UST: variants seen among roughly 807,000 people sequenced by gnomAD.
The protein encoded by UST is uronyl 2-sulfotransferase.
In UST, 21 loss-of-function variants were observed where a neutral mutation model predicts 45.6. The observed-to-expected ratio is 0.46, with a 90% CI of 0.33 to 0.66. UST has a LOEUF of 0.66. Among genes scored for constraint, UST ranks in the 30% least tolerant of loss-of-function variants. The probability of loss-of-function intolerance (pLI) is 0.02; values close to 1 mark genes in which losing one functional copy is unlikely to be tolerated. For synonymous variants in UST, 215 were observed against 200.6 expected (o/e 1.07, Z -0.61); for missense variants, 463 against 512.4 (o/e 0.90, Z 0.93).
At chr6:148,845,432 A>G (rs1221364142) in intron 1 of UST, among the ~76,000 whole-genome samples, 3 of 152,208 alleles carry the variant, frequency 2.0e-5, no homozygotes, top group Admixed American at 6.5e-5. Flanking sequence ...CCACTACATC[A>G]GTGGTTCATT....
At chr6:148,961,591 G>T (rs1273305569) in intron 4 of UST, among the ~76,000 whole-genome samples, 1 of 152,170 alleles carries the variant, frequency 6.6e-6, no homozygotes, top group Non-Finnish European at 1.5e-5. Context: ...TGTGTCAAAT[G>T]GTTCAAACAA....
chr6:148,823,346 A>G (rs1051734151), intron 1 of UST, among the ~76,000 whole-genome samples: 5 of 152,174 alleles, frequency 3.3e-5, no homozygotes, highest in African/African-American at 1.2e-4. Flanking sequence ...GTTACCTATA[A>G]ATTAATCTGT....
intron 1 of UST, among the ~76,000 whole-genome samples, chr6:148,838,195 G>A (rs1252095657): frequency 2.9e-4 from 44 of 152,208 alleles, no homozygotes; most frequent in Non-Finnish European, 2.4e-4. Flanking sequence ...GGGCGAAGGA[G>A]CCAGCCACAT....
intron 5 of UST, among the ~76,000 whole-genome samples, chr6:149,016,724 G>A (rs1775903488): frequency 6.6e-6 from 1 of 152,180 alleles, no homozygotes; most frequent in Non-Finnish European, 1.5e-5. Flanking sequence ...ACTCTGGGGG[G>A]CTGACTGCGT....
chr6:149,019,314 G>A, intron 6 of UST, 78 bp downstream of exon 6: 2 of 1,086,092 alleles, frequency 1.8e-6, no homozygotes, highest in Non-Finnish European at 1.4e-6. Context: ...TACTCGGTGG[G>A]AATCTTTTGT....
rs1262071080 is a variant in UST at position 148,879,446 on chromosome 6, T to C, written c.248-7540T>C. On this transcript the variant is annotated intron_variant, in intron 1 of 7. Transcript: ENST00000367463. ...CATGAATTTGTGTTTTGCAGCTCAG[T>C]GGCTCTCAACCTTGGCTAGACAGTA... is the stretch of plus-strand genomic sequence containing the variant. Among the ~76,000 whole-genome samples the C allele has an allele frequency of 3.9e-5, 6 of 152,374 alleles. No individual in the cohort carries two copies. The East Asian group carries it at 1.2e-3, about 29-fold the overall frequency.
intron 5 of UST, among the ~76,000 whole-genome samples, chr6:148,973,180 T>C (rs1362688910): frequency 6.6e-6 from 1 of 152,208 alleles, no homozygotes; most frequent in Non-Finnish European, 1.5e-5. Context: ...GTTGTATTTA[T>C]GAATATTCTA....
intron 1 of UST, among the ~76,000 whole-genome samples, chr6:148,780,590 C>T (rs1008697551): frequency 1.3e-5 from 2 of 152,194 alleles, no homozygotes; most frequent in Non-Finnish European, 2.9e-5. Context: ...CCTCCAGCTC[C>T]ATCCACATTC....
intron 3 of UST, among the ~76,000 whole-genome samples, chr6:148,947,620 G>A (rs758001052): frequency 3.3e-5 from 5 of 152,184 alleles, no homozygotes; most frequent in Non-Finnish European, 5.9e-5. Context: ...GACTCCATGC[G>A]TCCCTGAAGA....
chr6:149,028,632 C>T (rs1028262918), intron 7 of UST, among the ~76,000 whole-genome samples: 1 of 152,164 alleles, frequency 6.6e-6, no homozygotes, highest in Non-Finnish European at 1.5e-5. Flanking sequence ...ATATTCCAGT[C>T]AATAGCCTGT....
At chr6:148,846,158 T>A (rs1399105527) in intron 1 of UST, among the ~76,000 whole-genome samples, 1 of 151,070 alleles carries the variant, frequency 6.6e-6, no homozygotes, top group Admixed American at 6.6e-5. Context: ...GTATGTTTAT[T>A]GCGGCACTAT....
chr6:148,861,320 ATT>A (rs1778308055), intron 1 of UST, among the ~76,000 whole-genome samples: 1 of 152,010 alleles, frequency 6.6e-6, no homozygotes, highest in African/African-American at 2.4e-5. Flanking sequence ...GGTAGTTTGT[ATT>A]TCTGTGGGAT....
Position 149,023,335 on chromosome 6 carries a change from A to T in UST, c.937+1854A>T, listed in dbSNP as rs139113613. Among the ~76,000 whole-genome samples, 1,183 of 152,304 alleles carry T rather than the reference A, an allele frequency of 7.8e-3. 8 individuals carry two copies. Among genetic ancestry groups the T allele is most frequent in the Non-Finnish European group, 0.013 (855 of 68,032 alleles). ...CTGCTATGGATGAAGAGAGGTTCACATAGTGAGGAACTGAGACCTCAGACC... is the reference window on the plus strand; with the variant it reads ...CTGCTATGGATGAAGAGAGGTTCACTTAGTGAGGAACTGAGACCTCAGACC... On this transcript the variant is annotated intron_variant, in intron 7 of 7. Coordinates refer to ENST00000367463, the MANE Select transcript of UST (RefSeq NM_005715.3).
chr6:148,850,434 C>T (rs17078925), intron 1 of UST, among the ~76,000 whole-genome samples: 2,026 of 152,306 alleles, frequency 0.013, 41 homozygotes, highest in African/African-American at 0.045. Context: ...ATTTCATCTA[C>T]GGAGAGCAAA....
chr6:148,845,612 A>G (rs1777971567), intron 1 of UST, among the ~76,000 whole-genome samples: 1 of 152,200 alleles, frequency 6.6e-6, no homozygotes, highest in South Asian at 2.1e-4. Context: ...TTTTGAGGAC[A>G]TATGCTTTCA....
chr6:148,813,099 CTTA>C (rs1777289608), intron 1 of UST, among the ~76,000 whole-genome samples: 1 of 152,010 alleles, frequency 6.6e-6, no homozygotes, highest in South Asian at 2.1e-4. Flanking sequence ...GTAAGATTTT[CTTA>C]TGTGTTTGTA....
At chr6:148,751,343 C>A (rs919931751) in intron 1 of UST, among the ~76,000 whole-genome samples, 1 of 152,128 alleles carries the variant, frequency 6.6e-6, no homozygotes, top group African/African-American at 2.4e-5. Context: ...CGGCACCCAC[C>A]CCAGCTGGCT....
chr6:148,874,398 G>A (rs1312630563), intron 1 of UST, among the ~76,000 whole-genome samples: 6 of 152,180 alleles, frequency 3.9e-5, no homozygotes, highest in African/African-American at 1.4e-4. Flanking sequence ...GCCTGAAATA[G>A]TAAGGGAAGA....
intron 5 of UST, among the ~76,000 whole-genome samples, chr6:149,011,656 C>T (rs1420049193): frequency 3.3e-5 from 5 of 152,024 alleles, no homozygotes. Flanking sequence ...ACTAAAAATA[C>T]AAAAACTAGC....
Sources: gnomAD v4.1 joint callset for allele counts (sites outside exome capture counted in the v4.1 genomes callset) on GRCh38, gnomAD v4.1.1 for gene constraint, MANE v1.5 for transcripts, NCBI Gene and HGNC (gene_info 2026-07-23, HGNC 2026-07-21) for gene names.